BRCA1: variants seen among roughly 807,000 people sequenced by gnomAD.
BRCA1 encodes the protein breast cancer type 1 susceptibility protein.
A neutral mutation model predicts 173.7 loss-of-function variants in BRCA1; 140 were observed. The observed-to-expected ratio is 0.81, with a 90% CI of 0.70 to 0.93. The LOEUF is 0.93. BRCA1 is among the 40% of genes least tolerant of loss of function. The pLI is 0.00. For missense variants in BRCA1, 1,983 were observed against 2,172.5 expected (o/e 0.91, Z 1.73); for synonymous variants, 662 against 756.0 (o/e 0.88, Z 2.04).
Position 43,093,157 on chromosome 17 carries a change from C to G in BRCA1, c.2374G>C (p.Gly792Arg), listed in dbSNP as rs1555589778. ...TTATTTGGTTCTGTTTTTGCCTTCCCTAGAGTGCTAACTTCCAGTAACGAG... is the reference window on the plus strand; with the variant it reads ...TTATTTGGTTCTGTTTTTGCCTTCCGTAGAGTGCTAACTTCCAGTAACGAG... ...SISLLEVSTL[G>R]KAKTEPNKCV... Residue 792 changes from glycine to arginine, a missense_variant, in exon 10 of 23, where the codon GGG (glycine) becomes CGG (arginine). Transcript: ENST00000357654. 2 of 1,613,742 alleles carry G rather than the reference C, an allele frequency of 1.2e-6. No homozygotes were observed. Among genetic ancestry groups the G allele is most frequent in the Non-Finnish European group, 1.7e-6 (2 of 1,179,916 alleles).
intron 15 of BRCA1, among the ~76,000 whole-genome samples, chr17:43,069,337 T>C (rs989405395): frequency 6.6e-6 from 1 of 152,220 alleles, no homozygotes; most frequent in African/African-American, 2.4e-5. Context: ...GCTTTCATCA[T>C]AAATTTACCA....
intron 14 of BRCA1, 37 bp downstream of exon 14, chr17:43,074,294 C>T (rs2153985237): frequency 3.7e-6 from 6 of 1,609,056 alleles, no homozygotes; most frequent in Non-Finnish European, 5.1e-6. Context: ...AGAGTAAAAT[C>T]AAAGTGTTTG....
chr17:43,142,980 GTATA>G (rs542486635), intron 1 of BRCA1, among the ~76,000 whole-genome samples: 4 of 144,076 alleles, frequency 2.8e-5, no homozygotes, highest in African/African-American at 5.1e-5. Flanking sequence ...ATATATGTGT[GTATA>G]TATATATGTA....
At chr17:43,133,539 TG>T (rs1406047677) in intron 1 of BRCA1, among the ~76,000 whole-genome samples, 1 of 152,134 alleles carries the variant, frequency 6.6e-6, no homozygotes, top group Non-Finnish European at 1.5e-5. Flanking sequence ...TCCTTGCAAA[TG>T]TTTTGAGCCC....
rs1567796270 is a variant in BRCA1 at position 43,093,242 on chromosome 17, A to G, written c.2289T>C (p.Ser763=). 7 of 1,614,092 alleles carry G rather than the reference A, an allele frequency of 4.3e-6. No homozygotes were observed. The highest frequency in any genetic ancestry group is 5.9e-6 in the Non-Finnish European group (7 of 1,179,988). The change falls in exon 10 of 23, where the codon TCT becomes TCC. Residue 763 remains serine, a synonymous_variant. Coordinates refer to ENST00000357654, the MANE Select transcript of BRCA1 (RefSeq NM_007294.4). ...CCAATGAAATACTGCTACTCTCTACAGATCTTTCAGTTTGCAAAACCCTTT... is the reference window on the plus strand; with the variant it reads ...CCAATGAAATACTGCTACTCTCTACGGATCTTTCAGTTTGCAAAACCCTTT... ...SGERVLQTER[S]VESSSISLVP...
intron 2 of BRCA1, among the ~76,000 whole-genome samples, chr17:43,117,457 T>C (rs1427393289): frequency 1.3e-5 from 2 of 150,502 alleles, no homozygotes; most frequent in East Asian, 2.0e-4. Context: ...AAAAAGAAAA[T>C]AAGGCCAGAC....
In BRCA1 at chr17:43,093,013, T is replaced by A. The variant is rs377475866; in HGVS notation, c.2518A>T (p.Ser840Cys). The A allele has an allele frequency of 8.7e-6, 14 of 1,613,936 alleles. No individual in the cohort carries two copies. Among genetic ancestry groups the A allele is most frequent in the Non-Finnish European group, 1.2e-5 (14 of 1,179,918 alleles). ...KYPLGHEVNH[S>C]RETSIEMEES... ...TCCATTTCTATGCTTGTTTCCCGACTGTGGTTAACTTCATGTCCCAATGGA... is the reference window on the plus strand; with the variant it reads ...TCCATTTCTATGCTTGTTTCCCGACAGTGGTTAACTTCATGTCCCAATGGA... Residue 840 changes from serine to cysteine, a missense_variant, in exon 10 of 23, where the codon AGT becomes TGT. Coordinates refer to ENST00000357654, the MANE Select transcript of BRCA1 (RefSeq NM_007294.4).
chr17:43,119,626 A>G (rs1043720872), intron 2 of BRCA1, among the ~76,000 whole-genome samples: 3 of 151,958 alleles, frequency 2.0e-5, no homozygotes, highest in African/African-American at 7.3e-5. Context: ...TTGTACCAAC[A>G]TTGGTATTAT....
intron 21 of BRCA1, among the ~76,000 whole-genome samples, chr17:43,048,842 T>G (rs1350646465): frequency 6.6e-6 from 1 of 152,094 alleles, no homozygotes; most frequent in Admixed American, 6.6e-5. Flanking sequence ...TCTTGATGAT[T>G]TGTTGAAACA....
chr17:43,071,607 C>T (rs1362465943), intron 14 of BRCA1, among the ~76,000 whole-genome samples: 1 of 151,870 alleles, frequency 6.6e-6, no homozygotes, highest in Non-Finnish European at 1.5e-5. Flanking sequence ...TACTCTTCAC[C>T]CATTAATTTG....
At chr17:43,063,517 T>C (rs2051885932) in intron 17 of BRCA1, 144 bp from the exon 18 acceptor site, 2 of 728,698 alleles carry the variant, frequency 2.7e-6, no homozygotes, top group Non-Finnish European at 4.8e-6. Flanking sequence ...AGCCCTTTAA[T>C]AAGGCTTGTA....
intron 18 of BRCA1, among the ~76,000 whole-genome samples, chr17:43,057,654 T>C (rs2051562612): frequency 6.7e-6 from 1 of 150,196 alleles, no homozygotes; most frequent in African/African-American, 2.5e-5. Context: ...GCTAACACGG[T>C]GAAACCCCGT....
intron 15 of BRCA1, among the ~76,000 whole-genome samples, chr17:43,070,147 G>C (rs1382544029): frequency 6.6e-6 from 1 of 152,024 alleles, no homozygotes; most frequent in African/African-American, 2.4e-5. Flanking sequence ...TGGTCAGGCT[G>C]GTCTTGATCT....
At chr17:43,097,059 G>A (rs1404616123) in intron 8 of BRCA1, among the ~76,000 whole-genome samples, 185 bp downstream of exon 8, 1 of 152,070 alleles carries the variant, frequency 6.6e-6, no homozygotes, top group Non-Finnish European at 1.5e-5. Flanking sequence ...CTTAGTACCC[G>A]GATGATGAAA....
At chr17:43,156,724 A>ATTCT (rs1303507393) in intron 1 of BRCA1, among the ~76,000 whole-genome samples, 1 of 152,234 alleles carries the variant, frequency 6.6e-6, no homozygotes, top group African/African-American at 2.4e-5. Context: ...GATGGCTTTC[A>ATTCT]TTCTCACCAC....
chr17:43,120,363 A>G (rs1434187713), intron 2 of BRCA1, among the ~76,000 whole-genome samples: 1 of 152,240 alleles, frequency 6.6e-6, no homozygotes, highest in African/African-American at 2.4e-5. Context: ...TCCTGATCAC[A>G]TATTAAGACA....
At chr17:43,163,391 G>A (rs1410499541) in intron 1 of BRCA1, 4 of 152,182 alleles carry the variant, frequency 2.6e-5, no homozygotes, top group African/African-American at 7.2e-5. Flanking sequence ...TGAAAACCTC[G>A]TTGTTGTTGG....
intron 14 of BRCA1, among the ~76,000 whole-genome samples, chr17:43,073,079 C>A (rs1057243474): frequency 6.6e-6 from 1 of 151,810 alleles, no homozygotes; most frequent in Non-Finnish European, 1.5e-5. Flanking sequence ...CACCTATAAT[C>A]CCAGCACTTT....
intron 11 of BRCA1, among the ~76,000 whole-genome samples, chr17:43,090,066 A>G (rs905121501): frequency 6.9e-6 from 1 of 145,374 alleles, no homozygotes; most frequent in East Asian, 2.0e-4. Context: ...AAAAAGAAGA[A>G]GAGAAAGAAG....
Sources: allele counts gnomAD v4.1 joint callset (sites outside exome capture counted in the v4.1 genomes callset), GRCh38; gene constraint gnomAD v4.1.1; transcripts MANE v1.5; gene names NCBI Gene and HGNC (gene_info 2026-07-23, HGNC 2026-07-21).